DOCK8: variants seen among roughly 807,000 people sequenced by gnomAD.
DOCK8 encodes the protein dedicator of cytokinesis 8.
DOCK8 carries 141 observed loss-of-function variants against 245.6 expected under a neutral mutation model. The ratio of observed to expected loss-of-function variants is 0.57; its 90% CI spans 0.50 to 0.66. The LOEUF (loss-of-function observed/expected upper bound fraction) is 0.66, where lower values mean the gene tolerates loss of function less well. Ranked by LOEUF, DOCK8 falls within the 30% of genes least tolerant of loss-of-function variation. The pLI, the probability that DOCK8 is intolerant of heterozygous loss-of-function variation, is 0.00. For synonymous variants in DOCK8, 1,168 were observed against 970.2 expected, an observed-to-expected ratio of 1.20 and a Z score of -3.79; for missense variants, 2,965 against 2,603.4, an observed-to-expected ratio of 1.14 and a Z score of -3.02.
chr9:261,347 A>G (rs542574344), intron 1 of DOCK8, among the ~76,000 whole-genome samples: 1 of 152,232 alleles, frequency 6.6e-6, no homozygotes, highest in South Asian at 2.1e-4. Flanking sequence ...TACTTAGCCC[A>G]GGCACATAAA....
intron 4 of DOCK8, among the ~76,000 whole-genome samples, chr9:299,776 C>T (rs1385304385): frequency 6.6e-6 from 1 of 151,796 alleles, no homozygotes; most frequent in South Asian, 2.1e-4. Flanking sequence ...AATCCCAGCA[C>T]TTTGGGAGGC....
chr9:309,066 C>T (rs937521648), intron 5 of DOCK8, among the ~76,000 whole-genome samples: 6 of 152,308 alleles, frequency 3.9e-5, no homozygotes, highest in Non-Finnish European at 7.4e-5. Context: ...TTTGCTATCA[C>T]GAACAGTGTT....
intron 14 of DOCK8, among the ~76,000 whole-genome samples, chr9:359,725 T>G (rs892201296): frequency 9.9e-5 from 15 of 151,900 alleles, no homozygotes; most frequent in Non-Finnish European, 1.9e-4. Context: ...TTCCTGTAGT[T>G]TTTGAATGAC....
chr9:261,278 G>A (rs909998706), intron 1 of DOCK8, among the ~76,000 whole-genome samples: 1 of 152,062 alleles, frequency 6.6e-6, no homozygotes, highest in African/African-American at 2.4e-5. Flanking sequence ...AATATTACAT[G>A]TAGTTTTCTT....
chr9:328,688 C>G (rs1245099336), intron 9 of DOCK8, among the ~76,000 whole-genome samples: 4 of 151,230 alleles, frequency 2.6e-5, no homozygotes, highest in Admixed American at 2.6e-4. Context: ...CTCTTACAAG[C>G]TGAAGCGTGG....
rs4741867 is a variant in DOCK8 at position 407,227 on chromosome 9, A to G, written c.3530+158A>G. Reference sequence around the variant, plus strand: ...CTGTCTTGAGAATATGGTACCCATAAGCACAAGGCACAAGAAAGGCCTTTC... The same window carrying G: ...CTGTCTTGAGAATATGGTACCCATAGGCACAAGGCACAAGAAAGGCCTTTC... On this transcript the variant is annotated intron_variant, in intron 28 of 47. Coordinates refer to ENST00000432829, the MANE Select transcript of DOCK8 (RefSeq NM_203447.4). 0.48 allele frequency among the ~76,000 whole-genome samples: 72,592 copies of G among 151,914 alleles called. 17,559 individuals carry two copies. The highest frequency in any genetic ancestry group is 0.54 in the East Asian group (2,814 of 5,172).
At position 396,219 on chromosome 9, in the gene DOCK8, T is replaced by C. The variant is rs1032053776; in HGVS notation, c.2971-566T>C. Among the ~76,000 whole-genome samples the C allele has an allele frequency of 5.3e-5, 8 of 152,126 alleles. No individual in the cohort carries two copies. The East Asian group carries it at 9.6e-4, about 18-fold the overall frequency. On this transcript the variant is annotated intron_variant, in intron 24 of 47. Transcript: ENST00000432829. ...AACATTTCCTGCTCAATATATAATA[T>C]AGCTAAAATTTATAGGAGCAGAAGA...
rs527710778 is a variant in DOCK8 at position 448,784 on chromosome 9, A to G, written c.5818-1000A>G. Reference sequence around the variant, plus strand: ...ACTTGATTGCCTCTGTAAAGACCCTATCTCCAAAGAAGGTCACATTCTGAG... The same window carrying G: ...ACTTGATTGCCTCTGTAAAGACCCTGTCTCCAAAGAAGGTCACATTCTGAG... On this transcript the variant is annotated intron_variant, in intron 44 of 47. Coordinates refer to ENST00000432829, the MANE Select transcript of DOCK8 (RefSeq NM_203447.4). 2.8e-4 allele frequency among the ~76,000 whole-genome samples: 42 copies of G among 152,318 alleles called. No homozygotes were observed. The South Asian group carries it at 5.2e-3, about 19-fold the overall frequency.
intron 20 of DOCK8, among the ~76,000 whole-genome samples, chr9:379,267 G>A (rs1474303715): frequency 4.6e-5 from 7 of 152,166 alleles, no homozygotes. Context: ...GGAATGACTT[G>A]ATATGCAGAC....
intron 14 of DOCK8, among the ~76,000 whole-genome samples, chr9:343,166 A>G (rs1249019784): frequency 6.6e-6 from 1 of 152,002 alleles, no homozygotes; most frequent in Non-Finnish European, 1.5e-5. Flanking sequence ...CAAAATTAAG[A>G]CCCGGAAAGG....
intron 14 of DOCK8, 94 bp downstream of exon 14, chr9:340,415 G>A (rs2051526842): frequency 6.6e-7 from 1 of 1,516,174 alleles, no homozygotes; most frequent in Non-Finnish European, 9.0e-7. Context: ...GAGCTCAGGA[G>A]TTTGAGACCA....
At position 259,177 on chromosome 9, in the gene DOCK8, T is replaced by C. The variant is rs959313382; in HGVS notation, c.54-12450T>C. Among the ~76,000 whole-genome samples, 9 of 151,958 alleles carry C rather than the reference T, an allele frequency of 5.9e-5. 1 individual carries two copies. Among genetic ancestry groups the C allele is most frequent in the Admixed American group, 5.9e-4 (9 of 15,258 alleles). On this transcript the variant is annotated intron_variant, in intron 1 of 47. Transcript: ENST00000432829. Reference sequence around the variant, plus strand: ...AAAATTAGGTATGGTGGTACATGCCTGTAGTCCTGGCTACTCTCAGGGGAC... The same window carrying C: ...AAAATTAGGTATGGTGGTACATGCCCGTAGTCCTGGCTACTCTCAGGGGAC...
intron 37 of DOCK8, among the ~76,000 whole-genome samples, chr9:433,235 C>A (rs1009750627): frequency 6.6e-6 from 1 of 152,160 alleles, no homozygotes; most frequent in Non-Finnish European, 1.5e-5. Context: ...GTCTTCAGTG[C>A]CTTCACCCAA....
At chr9:288,571 G>A (rs920680923) in intron 3 of DOCK8, among the ~76,000 whole-genome samples, 8 of 152,144 alleles carry the variant, frequency 5.3e-5, no homozygotes, top group South Asian at 2.1e-4. Flanking sequence ...TCATATATGC[G>A]TCTTATTGTG....
intron 23 of DOCK8, 110 bp downstream of exon 23, chr9:386,536 A>C (rs2131326183): frequency 1.1e-6 from 1 of 880,570 alleles, no homozygotes; most frequent in Non-Finnish European, 1.8e-6. Context: ...CCTGTCCCTG[A>C]TGTGCTAACA....
intron 14 of DOCK8, among the ~76,000 whole-genome samples, chr9:347,777 C>T (rs1431565588): frequency 1.3e-5 from 2 of 152,090 alleles, no homozygotes; most frequent in African/African-American, 2.4e-5. Context: ...ATGCCTTGCT[C>T]CAAAACTCAG....
intron 42 of DOCK8, among the ~76,000 whole-genome samples, chr9:442,765 A>G (rs1288203061): frequency 6.6e-6 from 1 of 151,840 alleles, no homozygotes; most frequent in Admixed American, 6.5e-5. Context: ...GGGTCCTTTG[A>G]ACTGCTCACA....
At chr9:361,068 T>C (rs1057038175) in intron 14 of DOCK8, among the ~76,000 whole-genome samples, 28 of 152,238 alleles carry the variant, frequency 1.8e-4, no homozygotes, top group Admixed American at 1.8e-3. Context: ...CTTAGGAGGC[T>C]GAAGCAGAGG....
rs114541531 is a variant in DOCK8 at position 390,284 on chromosome 9, G to T, written c.2875-187G>T. ...ACCCCAGCCTTCTATGCACCGAAAT[G>T]TCCTCCAGTCTCAGGTGATCTCAGC... On this transcript the variant is annotated intron_variant, in intron 23 of 47. Transcript: ENST00000432829. Among the ~76,000 whole-genome samples, 1,737 of 152,266 alleles carry T rather than the reference G, an allele frequency of 0.011. 35 individuals carry two copies. The highest frequency in any genetic ancestry group is 0.039 in the African/African-American group (1,632 of 41,550).
Sources: allele counts gnomAD v4.1 joint callset (sites outside exome capture counted in the v4.1 genomes callset), GRCh38; gene constraint gnomAD v4.1.1; transcripts MANE v1.5; gene names NCBI Gene and HGNC (gene_info 2026-07-23, HGNC 2026-07-21).